The following RICTOR variants were observed in gnomAD, a reference collection of about 807,000 sequenced individuals.
The protein encoded by RICTOR is rapamycin-insensitive companion of mTOR.
A neutral mutation model predicts 214.9 loss-of-function variants in RICTOR; 49 were observed. The ratio of observed to expected loss-of-function variants is 0.23; its 90% confidence interval spans 0.18 to 0.29. The LOEUF (loss-of-function observed/expected upper bound fraction) is 0.29, where lower values mean the gene tolerates loss of function less well. Ranked by LOEUF, RICTOR falls within the 10% of genes least tolerant of loss-of-function variation. The probability of loss-of-function intolerance (pLI) is 1.00; values close to 1 mark genes in which losing one functional copy is unlikely to be tolerated. For missense variants in RICTOR, 1,625 were observed against 2,047.0 expected (o/e 0.79, Z 3.98); for synonymous variants, 717 against 711.3 (o/e 1.01, Z -0.13).
At chr5:39,047,619 A>T (rs976963453) in intron 2 of RICTOR, among the ~76,000 whole-genome samples, 2 of 152,206 alleles carry the variant, frequency 1.3e-5, no homozygotes, top group South Asian at 2.1e-4. Flanking sequence ...CTATTCAAAA[A>T]CTATTATTTC....
At chr5:38,988,065 G>C (rs759790994) in intron 7 of RICTOR, among the ~76,000 whole-genome samples, 4 of 152,178 alleles carry the variant, frequency 2.6e-5, no homozygotes, top group Non-Finnish European at 5.9e-5. Context: ...ACTGTAGCCT[G>C]AGAGACTGTC....
At chr5:39,065,273 G>A (rs917706290) in intron 2 of RICTOR, among the ~76,000 whole-genome samples, 1 of 152,106 alleles carries the variant, frequency 6.6e-6, no homozygotes, top group East Asian at 1.9e-4. Flanking sequence ...GGGGGAAGGA[G>A]CCACAGGCTT....
At chr5:38,973,445 C>T (rs1452150868) in intron 10 of RICTOR, among the ~76,000 whole-genome samples, 1 of 152,132 alleles carries the variant, frequency 6.6e-6, no homozygotes, top group East Asian at 1.9e-4. Context: ...ATATATAATA[C>T]AGCAAATACA....
intron 2 of RICTOR, among the ~76,000 whole-genome samples, chr5:39,054,350 G>T (rs1758063946): frequency 6.6e-6 from 1 of 152,118 alleles, no homozygotes; most frequent in Admixed American, 6.5e-5. Flanking sequence ...GACAGTGGCA[G>T]TTAAAGTTGA....
chr5:38,988,003 T>C (rs1269860489), intron 7 of RICTOR, among the ~76,000 whole-genome samples: 1 of 152,192 alleles, frequency 6.6e-6, no homozygotes, highest in Admixed American at 6.5e-5. Context: ...AGTTTCCATG[T>C]AGTTGTGCAG....
At chr5:39,053,233 C>A (rs1418323047) in intron 2 of RICTOR, among the ~76,000 whole-genome samples, 1 of 152,152 alleles carries the variant, frequency 6.6e-6, no homozygotes, top group African/African-American at 2.4e-5. Flanking sequence ...TAGCTAAATC[C>A]TCCTCTATTT....
intron 3 of RICTOR, among the ~76,000 whole-genome samples, chr5:39,012,943 A>G (rs1754654380): frequency 6.6e-6 from 1 of 152,150 alleles, no homozygotes; most frequent in African/African-American, 2.4e-5. Flanking sequence ...TTTCAAGACT[A>G]GAAGTATTAA....
At chr5:39,064,422 A>G (rs140226682) in intron 2 of RICTOR, among the ~76,000 whole-genome samples, 1,803 of 152,320 alleles carry the variant, frequency 0.012, 34 homozygotes, top group African/African-American at 0.041. Flanking sequence ...ACATCAATCT[A>G]TTGTGGGAGA....
chr5:38,953,126 G>GAGTC (rs1427562154), intron 28 of RICTOR, 35 bp from the exon 29 acceptor site: 1 of 1,370,306 alleles, frequency 7.3e-7, no homozygotes, highest in Non-Finnish European at 1.0e-6. Flanking sequence ...TCAAATATAA[G>GAGTC]AGTCACTCTT....
intron 19 of RICTOR, among the ~76,000 whole-genome samples, 185 bp downstream of exon 19, chr5:38,962,130 G>T (rs1038867871): frequency 6.7e-6 from 1 of 149,220 alleles, no homozygotes; most frequent in Non-Finnish European, 1.5e-5. Flanking sequence ...ACTAGAAAAA[G>T]AATTTGCTAA....
chr5:39,074,062 C>A, intron 2 of RICTOR, 49 bp downstream of exon 2: 1 of 1,472,922 alleles, frequency 6.8e-7, no homozygotes, highest in South Asian at 1.3e-5. Flanking sequence ...CCGGACCCGG[C>A]TCCTCCCCAG....
At chr5:39,029,059 T>C (rs1756075761) in intron 2 of RICTOR, among the ~76,000 whole-genome samples, 2 of 152,164 alleles carry the variant, frequency 1.3e-5, no homozygotes, top group Non-Finnish European at 2.9e-5. Flanking sequence ...TCTATGATGA[T>C]AGAAATCAGA....
chr5:38,988,366 C>A (rs912751391), intron 7 of RICTOR, among the ~76,000 whole-genome samples: 6 of 152,096 alleles, frequency 3.9e-5, no homozygotes, highest in Admixed American at 3.9e-4. Flanking sequence ...CTTTATGAAT[C>A]TGGGTGCTCC....
chr5:38,949,725 A>T lies in RICTOR; in HGVS notation c.4123T>A (p.Leu1375Ile), dbSNP rs1407107324. The change falls in exon 31 of 38, where the codon TTA becomes ATA. Residue 1375 changes from leucine to isoleucine, a missense_variant. Around this residue, in one of 5 missense-constraint regions of RICTOR, gnomAD observed 1,214 missense variants for 1,470.5 expected, o/e 0.83. Transcript: ENST00000357387. ...ATATTTGCTTACCTGCTTGGTGTTA[A>T]TCTGGACTCAAAACTGTTGGCCTTC... is the stretch of plus-strand genomic sequence containing the variant. ...TMKANSFESR[L>I]TPSRFMKALS... 6.2e-7 allele frequency: 1 copy of T among 1,612,872 alleles called. No individual in the cohort carries two copies. The highest frequency in any genetic ancestry group is 1.3e-5 in the African/African-American group (1 of 74,978).
At chr5:38,973,938 T>C (rs1750993913) in intron 10 of RICTOR, among the ~76,000 whole-genome samples, 1 of 152,180 alleles carries the variant, frequency 6.6e-6, no homozygotes. Flanking sequence ...AGAATATAAA[T>C]ATTATTTAGG....
At chr5:39,067,253 G>A (rs528584571) in intron 2 of RICTOR, among the ~76,000 whole-genome samples, 1 of 152,296 alleles carries the variant, frequency 6.6e-6, no homozygotes, top group East Asian at 1.9e-4. Flanking sequence ...GGTGAAGCAG[G>A]AGTAGGCATC....
chr5:38,951,742 C>T (rs920230545), intron 30 of RICTOR, among the ~76,000 whole-genome samples: 2 of 151,946 alleles, frequency 1.3e-5, no homozygotes, highest in African/African-American at 4.8e-5. Context: ...ATTTTTGTTA[C>T]TCTATTAACA....
At chr5:38,991,787 T>C (rs1752794989) in intron 6 of RICTOR, among the ~76,000 whole-genome samples, 1 of 152,184 alleles carries the variant, frequency 6.6e-6, no homozygotes. Context: ...ACAGGTAACA[T>C]ATGTCTTTGA....
At position 38,960,432 on chromosome 5, in the gene RICTOR, C is replaced by T. The variant is rs762132788; in HGVS notation, c.1817G>A (p.Cys606Tyr). The T allele has an allele frequency of 1.9e-6, 3 of 1,613,832 alleles. No individual in the cohort carries two copies. In the Admixed American group the frequency reaches 5.0e-5, roughly 27 times the overall value. The change falls in exon 20 of 38, where the codon TGC becomes TAC. Residue 606 changes from cysteine (C) to tyrosine (Y), a missense_variant. Transcript: ENST00000357387. The part of the protein sequence containing the change: ...AKAKQLTVVG[C>Y]QFTEFLLESE... ...TTCAAGAAGAAATTCTGTAAACTGG[C>T]AACCTACAACCGTGAGCTGTTTGGC...
Sources: gnomAD v4.1 joint callset for allele counts (sites outside exome capture counted in the v4.1 genomes callset) on GRCh38, gnomAD v4.1.1 for gene constraint, gnomAD v4.1.1 regional missense constraint, MANE v1.5 for transcripts, NCBI Gene and HGNC (gene_info 2026-07-23, HGNC 2026-07-21) for gene names.